The following NEGR1 variants were observed in gnomAD, a reference collection of about 807,000 sequenced individuals.
NEGR1 encodes the protein IgLON family member 4.
Under a neutral mutation model 40.9 loss-of-function variants are expected in NEGR1, and 10 were observed. The ratio of observed to expected loss-of-function variants is 0.24; its 90% CI spans 0.15 to 0.42. The LOEUF is 0.42. Ranked by LOEUF, NEGR1 falls within the 10% of genes least tolerant of loss-of-function variation. The probability of loss-of-function intolerance (pLI) is 1.00; values close to 1 mark genes in which losing one functional copy is unlikely to be tolerated. For synonymous variants in NEGR1, 185 were observed against 166.8 expected (o/e 1.11, Z -0.84); for missense variants, 352 against 438.9 (o/e 0.80, Z 1.77).
At chr1:72,212,260 T>TCTTTTTGC (rs1449822622) in intron 1 of NEGR1, among the ~76,000 whole-genome samples, 14 of 152,040 alleles carry the variant, frequency 9.2e-5, no homozygotes, top group Non-Finnish European at 1.3e-4. Context: ...TATTAAATGA[T>TCTTTTTGC]CTTTTTGCCT....
intron 3 of NEGR1, among the ~76,000 whole-genome samples, chr1:71,731,877 T>C (rs1028775551): frequency 6.6e-6 from 1 of 152,226 alleles, no homozygotes; most frequent in Admixed American, 6.5e-5. Flanking sequence ...TATCTTCCCT[T>C]ATTCACCAGT....
chr1:71,649,298 A>G (rs746359013), intron 4 of NEGR1, among the ~76,000 whole-genome samples: 1 of 152,138 alleles, frequency 6.6e-6, no homozygotes, highest in Non-Finnish European at 1.5e-5. Context: ...GGCAACACAT[A>G]TCAGAAGGCT....
chr1:71,797,176 T>C (rs1657364128), intron 2 of NEGR1, among the ~76,000 whole-genome samples: 1 of 152,142 alleles, frequency 6.6e-6, no homozygotes, highest in Non-Finnish European at 1.5e-5. Context: ...CATTACCTCA[T>C]TTAGTAATGT....
chr1:71,929,158 C>A (rs1645830539), intron 2 of NEGR1, among the ~76,000 whole-genome samples: 1 of 151,892 alleles, frequency 6.6e-6, no homozygotes, highest in Admixed American at 6.6e-5. Context: ...TATAAAGAAG[C>A]TATAGATCAT....
intron 6 of NEGR1, among the ~76,000 whole-genome samples, chr1:71,562,258 A>C (rs1648486261): frequency 6.6e-6 from 1 of 151,844 alleles, no homozygotes; most frequent in South Asian, 2.1e-4. Flanking sequence ...TCTGTTACCT[A>C]TTCTGTCACT....
chr1:72,197,173 A>C (rs1168085424), intron 1 of NEGR1, among the ~76,000 whole-genome samples: 1 of 152,004 alleles, frequency 6.6e-6, no homozygotes, highest in Non-Finnish European at 1.5e-5. Context: ...CCCCAAAGTG[A>C]TAGATGGCAA....
chr1:71,595,376 G>A (rs1236898463), intron 5 of NEGR1, among the ~76,000 whole-genome samples: 1 of 152,208 alleles, frequency 6.6e-6, no homozygotes, highest in South Asian at 2.1e-4. Context: ...TTCTTCTGCA[G>A]TTGTGTGTTT....
At chr1:71,915,040 T>C (rs1661531987) in intron 2 of NEGR1, among the ~76,000 whole-genome samples, 2 of 152,150 alleles carry the variant, frequency 1.3e-5, no homozygotes, top group African/African-American at 2.4e-5. Context: ...CAAAAGTTTT[T>C]TCCAATTTGG....
intron 3 of NEGR1, among the ~76,000 whole-genome samples, chr1:71,743,534 C>T (rs1347798191): frequency 3.3e-5 from 5 of 151,836 alleles, no homozygotes; most frequent in African/African-American, 1.2e-4. Context: ...ATAAAAATGT[C>T]TTTCAGTATG....
intron 2 of NEGR1, among the ~76,000 whole-genome samples, chr1:71,847,025 A>G (rs1399641130): frequency 2.0e-5 from 3 of 152,128 alleles, no homozygotes; most frequent in Non-Finnish European, 4.4e-5. Flanking sequence ...TTACTCTCCA[A>G]AATGAATTCT....
At chr1:72,192,039 A>C (rs2100430625) in intron 1 of NEGR1, among the ~76,000 whole-genome samples, 1 of 152,090 alleles carries the variant, frequency 6.6e-6, no homozygotes, top group South Asian at 2.1e-4. Flanking sequence ...ATTTGAAGAA[A>C]GTACATTTAT....
intron 1 of NEGR1, among the ~76,000 whole-genome samples, chr1:71,972,457 C>A (rs1646264887): frequency 6.6e-6 from 1 of 152,166 alleles, no homozygotes; most frequent in African/African-American, 2.4e-5. Flanking sequence ...TTCAAAAATA[C>A]TTCTGTCAGG....
intron 3 of NEGR1, among the ~76,000 whole-genome samples, chr1:71,717,174 G>C: frequency 6.6e-6 from 1 of 152,288 alleles, no homozygotes; most frequent in East Asian, 1.9e-4. Flanking sequence ...ACATTTGTAA[G>C]AATTATAACT....
At chr1:71,896,817 A>G (rs1430705434) in intron 2 of NEGR1, among the ~76,000 whole-genome samples, 2 of 152,174 alleles carry the variant, frequency 1.3e-5, no homozygotes, top group Non-Finnish European at 2.9e-5. Flanking sequence ...TCTTTCCCCC[A>G]TTGAAAGTCT....
In NEGR1 at chr1:72,202,121, AG is replaced by A. The variant is rs546736170; in HGVS notation, c.176+80197del. ...TTTTAATTATCATTATATCTGTTAC[AG>A]TAATCTGTAATTAGTGATATTTTAT... On this transcript the variant is annotated intron_variant, in intron 1 of 6. Coordinates refer to ENST00000357731, the MANE Select transcript of NEGR1 (RefSeq NM_173808.3). Among the ~76,000 whole-genome samples the A allele has an allele frequency of 3.4e-3, 519 of 152,044 alleles. 8 individuals carry two copies. Among genetic ancestry groups the A allele is most frequent in the Non-Finnish European group, 8.5e-4 (58 of 67,924 alleles).
chr1:71,513,526 T>C (rs952388471), intron 6 of NEGR1, among the ~76,000 whole-genome samples: 1 of 152,260 alleles, frequency 6.6e-6, no homozygotes, highest in Admixed American at 6.5e-5. Flanking sequence ...AACATCTTTC[T>C]CCTGAAGGCA....
At chr1:71,454,391 CAAT>C (rs917744924) in intron 6 of NEGR1, among the ~76,000 whole-genome samples, 1 of 151,762 alleles carries the variant, frequency 6.6e-6, no homozygotes, top group African/African-American at 2.4e-5. Context: ...TCTTGGATGT[CAAT>C]AATATCTCCC....
At chr1:71,877,275 T>C (rs1038342857) in intron 2 of NEGR1, among the ~76,000 whole-genome samples, 1 of 152,182 alleles carries the variant, frequency 6.6e-6, no homozygotes, top group African/African-American at 2.4e-5. Context: ...TAATAATCTA[T>C]AGGGACTATT....
intron 6 of NEGR1, among the ~76,000 whole-genome samples, chr1:71,506,793 T>TA (rs151162339): frequency 0.04 from 6,090 of 151,792 alleles, 403 homozygotes; most frequent in African/African-American, 0.14. Flanking sequence ...AAGTGATGGA[T>TA]AAAAAACAAA....
Sources: allele counts gnomAD v4.1 joint callset (sites outside exome capture counted in the v4.1 genomes callset), GRCh38; gene constraint gnomAD v4.1.1; transcripts MANE v1.5; gene names NCBI Gene and HGNC (gene_info 2026-07-23, HGNC 2026-07-21).